Variants in DRD2 observed in about 807,000 individuals in gnomAD.
The protein encoded by DRD2 is dopamine receptor D2.
DRD2 carries 8 observed loss-of-function variants against 38.0 expected under a neutral mutation model. That is an observed-to-expected ratio of 0.21 (90% CI 0.12 to 0.38). The LOEUF is 0.38. DRD2 is among the 10% of genes least tolerant of loss of function. DRD2 has a pLI of 1.00. For missense variants in DRD2, 403 were observed against 607.7 expected (o/e 0.66, Z 3.54); for synonymous variants, 230 against 238.6 (o/e 0.96, Z 0.33).
intron 1 of DRD2, among the ~76,000 whole-genome samples, chr11:113,464,182 G>C (rs72999677): frequency 0.26 from 39,051 of 152,062 alleles, 6,222 homozygotes; most frequent in South Asian, 0.38. Context: ...TGGGTTCCAT[G>C]AGCCACGGAG....
rs138857345 is a variant in DRD2 at position 113,472,047 on chromosome 11, G to A, written c.-32+3029C>T. Among the ~76,000 whole-genome samples, 667 of 152,308 alleles carry A rather than the reference G, an allele frequency of 4.4e-3. 3 individuals carry two copies. The highest frequency in any genetic ancestry group is 0.015 in the African/African-American group (610 of 41,556). On this transcript the variant is annotated intron_variant, in intron 1 of 7. Transcript: ENST00000362072. ...GTGTTGAGGCACCTTCACTGTTGGA[G>A]ATTCATAGGTATTAAGCCACAAAGC...
chr11:113,424,697 T>G lies in DRD2; in HGVS notation c.-31-15A>C. The G allele has an allele frequency of 6.2e-7, 1 of 1,612,562 alleles. No homozygotes were observed. The highest frequency in any genetic ancestry group is 8.5e-7 in the Non-Finnish European group (1 of 1,179,974). On this transcript the variant is annotated splice_polypyrimidine_tract_variant and intron_variant, in intron 1 of 7. Coordinates refer to ENST00000362072, the MANE Select transcript of DRD2 (RefSeq NM_000795.4). ...GTGGCCAGGCTCTGGCCAGGAAAAA[T>G]GGACACAAGGTGTCAGTGAGAGGGC...
At chr11:113,435,991 C>T (rs1951032199) in intron 1 of DRD2, among the ~76,000 whole-genome samples, 1 of 152,148 alleles carries the variant, frequency 6.6e-6, no homozygotes, top group African/African-American at 2.4e-5. Flanking sequence ...AGAGAAGGCC[C>T]AGTCCAAATA....
rs200715742 is a variant in DRD2, at chr11:113,424,655, G to T, written c.-4C>A. 1.9e-6 allele frequency: 3 copies of T among 1,614,016 alleles called. No homozygotes were observed. Among genetic ancestry groups the T allele is most frequent in the Non-Finnish European group, 2.5e-6 (3 of 1,180,038 alleles). On this transcript the variant is annotated 5_prime_UTR_variant, in exon 2 of 8. Transcript: ENST00000362072. ...AGGACAGATTCAGTGGATCCATCAGGGCGGTGGAGCCACTGGGTGGCCAGG... is the reference window on the plus strand; with the variant it reads ...AGGACAGATTCAGTGGATCCATCAGTGCGGTGGAGCCACTGGGTGGCCAGG...
chr11:113,434,369 G>A (rs1951016905), intron 1 of DRD2, among the ~76,000 whole-genome samples: 1 of 152,200 alleles, frequency 6.6e-6, no homozygotes, highest in Non-Finnish European at 1.5e-5. Flanking sequence ...GAAGGGGCCA[G>A]TCCCTAGGTC....
chr11:113,421,434 C>G (rs1014646226), intron 2 of DRD2, among the ~76,000 whole-genome samples: 1 of 152,162 alleles, frequency 6.6e-6, no homozygotes, highest in Non-Finnish European at 1.5e-5. Flanking sequence ...TGTTCATCTT[C>G]TCAATCTCCT....
At position 113,424,355 on chromosome 11, in the gene DRD2, G is replaced by A. The variant is rs1403132097; in HGVS notation, c.285+12C>T. ...TGGAGAAAGTGCTGGAGCAAGCAGG[G>A]GGCCCACCTACCTCCAGGTAGACAA... On this transcript the variant is annotated intron_variant, in intron 2 of 7. Coordinates refer to ENST00000362072, the MANE Select transcript of DRD2 (RefSeq NM_000795.4). 6 of 1,613,720 alleles carry A rather than the reference G, an allele frequency of 3.7e-6. No homozygotes were observed. The Admixed American group carries it at 1.0e-4, about 27-fold the overall frequency.
At chr11:113,414,720 G>A (rs1419475478) in intron 5 of DRD2, among the ~76,000 whole-genome samples, 3 of 152,234 alleles carry the variant, frequency 2.0e-5, no homozygotes, top group Non-Finnish European at 2.9e-5. Context: ...GCACACTCAC[G>A]TCCCTTCTCA....
At chr11:113,427,729 G>A (rs1232647254) in intron 1 of DRD2, among the ~76,000 whole-genome samples, 1 of 152,108 alleles carries the variant, frequency 6.6e-6, no homozygotes, top group Non-Finnish European at 1.5e-5. Flanking sequence ...GGTGCCATAG[G>A]TGCTGCATGT....
intron 1 of DRD2, among the ~76,000 whole-genome samples, chr11:113,467,677 A>G (rs1951383235): frequency 6.6e-6 from 1 of 152,246 alleles, no homozygotes; most frequent in South Asian, 2.1e-4. Context: ...GGCTCCAACC[A>G]TGAGGTAGCA....
At chr11:113,452,154 A>G (rs757217645) in intron 1 of DRD2, among the ~76,000 whole-genome samples, 1 of 152,142 alleles carries the variant, frequency 6.6e-6, no homozygotes, top group Non-Finnish European at 1.5e-5. Flanking sequence ...TTGCAAAGTA[A>G]GAGGTGGCTG....
intron 7 of DRD2, 121 bp downstream of exon 7, chr11:113,412,435 G>T (rs1413035429): frequency 5.6e-6 from 7 of 1,252,098 alleles, no homozygotes; most frequent in Middle Eastern, 1.8e-4. Context: ...ATGTCAATGG[G>T]CTTGGCCTGT....
intron 1 of DRD2, among the ~76,000 whole-genome samples, chr11:113,456,168 C>T (rs1444481375): frequency 6.6e-6 from 1 of 152,294 alleles, no homozygotes; most frequent in East Asian, 1.9e-4. Context: ...GGGGACATTA[C>T]ACTAAATGAA....
At chr11:113,449,860 G>T (rs1951193645) in intron 1 of DRD2, among the ~76,000 whole-genome samples, 1 of 152,214 alleles carries the variant, frequency 6.6e-6, no homozygotes, top group Admixed American at 6.5e-5. Flanking sequence ...CAAAATGGCT[G>T]AGAGCCAAGA....
chr11:113,420,542 G>A lies in DRD2; in HGVS notation c.286-2406C>T, dbSNP rs1241111228. Among the ~76,000 whole-genome samples, 3 of 152,156 alleles carry A rather than the reference G, an allele frequency of 2.0e-5. No individual in the cohort carries two copies. The East Asian group carries it at 5.8e-4, about 29-fold the overall frequency. On this transcript the variant is annotated intron_variant, in intron 2 of 7. Coordinates refer to ENST00000362072, the MANE Select transcript of DRD2 (RefSeq NM_000795.4). ...CGTTCTTAAAACTTTTACAAGAAGG[G>A]CTTGCTTATCCCACTCATAGGTGAG...
chr11:113,445,219 T>C (rs1951134230), intron 1 of DRD2, among the ~76,000 whole-genome samples: 1 of 152,202 alleles, frequency 6.6e-6, no homozygotes, highest in Middle Eastern at 3.2e-3. Context: ...CTGGATTCGA[T>C]CCTGGGCCAG....
chr11:113,464,640 C>T (rs923912276), intron 1 of DRD2, among the ~76,000 whole-genome samples: 19 of 152,218 alleles, frequency 1.2e-4, no homozygotes, highest in African/African-American at 4.1e-4. Flanking sequence ...ACTGACATCG[C>T]CAGGGGTGTT....
intron 1 of DRD2, chr11:113,450,079 G>A (rs930754489): frequency 1.3e-5 from 2 of 154,702 alleles, no homozygotes; most frequent in African/African-American, 2.4e-5. Context: ...AGTAGTGGGA[G>A]GTGGCTGGTA....
At chr11:113,474,823 A>G (rs1307820912) in intron 1 of DRD2, among the ~76,000 whole-genome samples, 1 of 151,500 alleles carries the variant, frequency 6.6e-6, no homozygotes, top group Non-Finnish European at 1.5e-5. Context: ...GTGCTCGGGG[A>G]GAGGATTCCC....
Sources: gnomAD v4.1 joint callset for allele counts (sites outside exome capture counted in the v4.1 genomes callset) on GRCh38, gnomAD v4.1.1 for gene constraint, MANE v1.5 for transcripts, NCBI Gene and HGNC (gene_info 2026-07-23, HGNC 2026-07-21) for gene names.